GCNT2: variants seen among roughly 807,000 people sequenced by gnomAD.
GCNT2 encodes N-acetyllactosaminide beta-1,6-N-acetylglucosaminyl-transferase.
In GCNT2, 34 loss-of-function variants were observed where a neutral mutation model predicts 34.2. The observed-to-expected ratio is 1.00, with a 90% CI of 0.76 to 1.32. GCNT2 has a LOEUF of 1.32. GCNT2 is among the 40% of genes most tolerant of loss of function. GCNT2 has a pLI of 0.00. For synonymous variants in GCNT2, 212 were observed against 188.0 expected (o/e 1.13, Z -1.04); for missense variants, 584 against 489.4 (o/e 1.19, Z -1.82).
chr6:10,574,809 A>G, intron 3 of GCNT2: 1 of 629,464 alleles, frequency 1.6e-6, no homozygotes, highest in South Asian at 1.5e-5. Flanking sequence ...TGGCTCTCAT[A>G]AAGTGTGCTA....
intron 3 of GCNT2, chr6:10,574,689 T>G (rs1763714613): frequency 2.7e-6 from 1 of 374,408 alleles, no homozygotes. Flanking sequence ...CAAGAATGTT[T>G]TTTGTTTGTT....
chr6:10,579,847 A>C (rs997715312), intron 3 of GCNT2, among the ~76,000 whole-genome samples: 13 of 151,486 alleles, frequency 8.6e-5, no homozygotes, highest in Non-Finnish European at 1.3e-4. Context: ...AAAAAAAAAA[A>C]ACAAGTAATA....
At chr6:10,538,363 G>A (rs1581375370) in intron 3 of GCNT2, among the ~76,000 whole-genome samples, 1 of 125,610 alleles carries the variant, frequency 8.0e-6, no homozygotes, top group African/African-American at 3.0e-5. Context: ...AGCTGAGATC[G>A]CACCATTGCA....
At chr6:10,558,391 A>G (rs1762819537) in intron 3 of GCNT2, among the ~76,000 whole-genome samples, 2 of 152,202 alleles carry the variant, frequency 1.3e-5, no homozygotes, top group South Asian at 4.2e-4. Flanking sequence ...GGACTCATGC[A>G]TGTACCATAT....
rs1407879712 is a variant in GCNT2 at position 10,529,195 on chromosome 6, T to A, written c.284T>A (p.Phe95Tyr). 2 of 1,614,052 alleles carry A rather than the reference T, an allele frequency of 1.2e-6. No homozygotes were observed. The highest frequency in any genetic ancestry group is 1.7e-6 in the Non-Finnish European group (2 of 1,180,036). ...ACACTCTCTGAAGAAGAGGCTGGGT[T>A]CCCTTTAGCTTACACAGTGACCATC... Reference protein sequence around the residue: ...TETLSEEEAGFPLAYTVTIHK... With the variant: ...TETLSEEEAGYPLAYTVTIHK... The change falls in exon 3 of 5, where the codon TTC (phenylalanine) becomes TAC (tyrosine). Residue 95 changes from phenylalanine to tyrosine, a missense_variant. Phe to Tyr is a conservative substitution (Grantham distance 22, BLOSUM62 3). Transcript: ENST00000495262.
chr6:10,555,220 G>C (rs1762641689), intron 3 of GCNT2, among the ~76,000 whole-genome samples: 1 of 152,164 alleles, frequency 6.6e-6, no homozygotes, highest in South Asian at 2.1e-4. Context: ...TTGGTGTTTT[G>C]CAAGCCATTT....
intron 3 of GCNT2, among the ~76,000 whole-genome samples, chr6:10,567,466 G>GAAAA (rs1001690294): frequency 5.3e-5 from 8 of 152,142 alleles, no homozygotes; most frequent in Middle Eastern, 3.4e-3. Flanking sequence ...CAAAGAAAAA[G>GAAAA]AAAAAAGATG....
At chr6:10,603,738 C>T (rs1765181471) in intron 3 of GCNT2, among the ~76,000 whole-genome samples, 1 of 151,002 alleles carries the variant, frequency 6.6e-6, no homozygotes, top group East Asian at 1.9e-4. Context: ...TGGTCTTGAA[C>T]TCCTGGTGTC....
intron 3 of GCNT2, among the ~76,000 whole-genome samples, chr6:10,570,144 A>G (rs939514378): frequency 4.6e-5 from 7 of 152,252 alleles, no homozygotes; most frequent in Admixed American, 1.3e-4. Context: ...CATGTTACTC[A>G]GGCTGGTCTT....
chr6:10,547,770 G>A (rs1010002228), intron 3 of GCNT2, among the ~76,000 whole-genome samples: 6 of 152,072 alleles, frequency 3.9e-5, no homozygotes, highest in African/African-American at 1.2e-4. Context: ...TCCTTCTTCT[G>A]TGTTTATTAG....
chr6:10,544,322 A>G (rs1290959685), intron 3 of GCNT2, among the ~76,000 whole-genome samples: 1 of 146,370 alleles, frequency 6.8e-6, no homozygotes, highest in Non-Finnish European at 1.5e-5. Context: ...AAAAAGTAAA[A>G]TAGGCAACAC....
In GCNT2 at chr6:10,617,438, C is replaced by T. The variant is rs561293570; in HGVS notation, c.926-3913C>T. On this transcript the variant is annotated intron_variant, in intron 3 of 4. Coordinates refer to ENST00000495262, the MANE Select transcript of GCNT2 (RefSeq NM_145649.5). The stretch of plus-strand genomic sequence containing the variant: ...GCAAGCTGAGGGAGCTGGCTCTGGC[C>T]TTGGCCAGCCCAGAAAGGGGCTCCC... Among the ~76,000 whole-genome samples the T allele has an allele frequency of 4.6e-5, 7 of 152,336 alleles. 1 individual carries two copies. The East Asian group carries it at 1.2e-3, about 25-fold the overall frequency.
chr6:10,554,882 G>T (rs899721219), intron 3 of GCNT2, among the ~76,000 whole-genome samples: 1 of 152,120 alleles, frequency 6.6e-6, no homozygotes, highest in Non-Finnish European at 1.5e-5. Context: ...AGCTGGAAAC[G>T]CATGAAAAAT....
intron 3 of GCNT2, among the ~76,000 whole-genome samples, chr6:10,552,305 A>G (rs1416167217): frequency 3.9e-5 from 6 of 151,930 alleles, no homozygotes; most frequent in East Asian, 1.9e-4. Flanking sequence ...CATGTTAAAA[A>G]AAAAAAAAAA....
Position 10,628,111 on chromosome 6 carries a change from T to C in GCNT2, c.*1504T>C, listed in dbSNP as rs1766345287. 6.6e-6 allele frequency: 1 copy of C among 152,526 alleles called. No individual in the cohort carries two copies. Among genetic ancestry groups the C allele is most frequent in the African/African-American group, 2.4e-5 (1 of 41,392 alleles). The allele number at this position is 152,526 out of a possible 1,614,324, so 9.4% of individuals were successfully genotyped here. A position where few individuals can be genotyped will look rare whatever the true frequency, so the allele number is the denominator to read the frequency against. ...TCTCAGTTCATTTCCTGAGGTGGAT[T>C]TACTGAGAGAAGGTGAAATAAAGCC... On this transcript the variant is annotated 3_prime_UTR_variant, in exon 5 of 5. Coordinates refer to ENST00000495262, the MANE Select transcript of GCNT2 (RefSeq NM_145649.5).
intron 3 of GCNT2, chr6:10,556,481 A>G (rs757497200): frequency 1.4e-5 from 23 of 1,614,022 alleles, no homozygotes; most frequent in Middle Eastern, 1.6e-4. Context: ...AATTATTTTT[A>G]TCGTCTTCTC....
At chr6:10,549,785 G>A (rs1037419805) in intron 3 of GCNT2, among the ~76,000 whole-genome samples, 3 of 151,918 alleles carry the variant, frequency 2.0e-5, no homozygotes, top group Non-Finnish European at 2.9e-5. Flanking sequence ...AGTGTTTATT[G>A]TTAAATAATT....
intron 3 of GCNT2, among the ~76,000 whole-genome samples, chr6:10,576,948 C>A (rs1204816025): frequency 6.6e-6 from 1 of 152,012 alleles, no homozygotes; most frequent in Non-Finnish European, 1.5e-5. Flanking sequence ...TAAAATTAGC[C>A]AAGTGCCTGT....
chr6:10,563,733 C>T (rs1426038729), intron 3 of GCNT2, among the ~76,000 whole-genome samples: 2 of 117,154 alleles, frequency 1.7e-5, no homozygotes, highest in African/African-American at 3.3e-5. Context: ...CAGAGTGAGA[C>T]TCCATCTCAA....
Sources: gnomAD v4.1 joint callset for allele counts (sites outside exome capture counted in the v4.1 genomes callset) on GRCh38, gnomAD v4.1.1 for gene constraint, MANE v1.5 for transcripts, NCBI Gene and HGNC (gene_info 2026-07-23, HGNC 2026-07-21) for gene names.